Variants in ANKRD6 observed in about 807,000 individuals in gnomAD.
The protein encoded by ANKRD6 is ankyrin repeat domain-containing protein 6.
Under a neutral mutation model 82.3 loss-of-function variants are expected in ANKRD6, and 56 were observed. The observed-to-expected ratio is 0.68, with a 90% CI of 0.55 to 0.85. ANKRD6 has a LOEUF of 0.85. Ranked by LOEUF, ANKRD6 falls within the 40% of genes least tolerant of loss-of-function variation. ANKRD6 has a pLI of 0.00. For synonymous variants in ANKRD6, 347 were observed against 352.1 expected (o/e 0.99, Z 0.16); for missense variants, 852 against 907.6 (o/e 0.94, Z 0.79).
At chr6:89,453,923 T>C (rs1272794977) in intron 1 of ANKRD6, among the ~76,000 whole-genome samples, 1 of 152,080 alleles carries the variant, frequency 6.6e-6, no homozygotes, top group Non-Finnish European at 1.5e-5. Flanking sequence ...TGCCTTAGCC[T>C]CCGGAGTAGC....
chr6:89,585,116 G>C (rs1433504467), intron 2 of ANKRD6, among the ~76,000 whole-genome samples: 1 of 152,102 alleles, frequency 6.6e-6, no homozygotes, highest in Non-Finnish European at 1.5e-5. Flanking sequence ...AAAATCATCT[G>C]ATCATATTAA....
chr6:89,466,178 T>C (rs917450348), intron 1 of ANKRD6, among the ~76,000 whole-genome samples: 1 of 152,214 alleles, frequency 6.6e-6, no homozygotes, highest in Non-Finnish European at 1.5e-5. Context: ...AATCATTATA[T>C]TTAAAACATA....
chr6:89,454,202 G>A (rs943709593), intron 1 of ANKRD6, among the ~76,000 whole-genome samples: 3 of 152,064 alleles, frequency 2.0e-5, no homozygotes, highest in Admixed American at 2.0e-4. Context: ...CTTTATGAAG[G>A]TCTTATGGGT....
chr6:89,569,455 T>A (rs1191188314), intron 2 of ANKRD6, among the ~76,000 whole-genome samples: 1 of 152,238 alleles, frequency 6.6e-6, no homozygotes, highest in Non-Finnish European at 1.5e-5. Context: ...TGAGTAATAA[T>A]CCATTGTATA....
At position 89,632,687 on chromosome 6, in the gene ANKRD6, A is replaced by C. The variant is rs770292466; in HGVS notation, c.*1683A>C. The C allele has an allele frequency of 1.3e-5, 2 of 152,230 alleles. No individual in the cohort carries two copies. Among genetic ancestry groups the C allele is most frequent in the Non-Finnish European group, 2.9e-5 (2 of 68,040 alleles). The allele number at this position is 152,230 out of a possible 1,614,324, so 9.4% of individuals were successfully genotyped here. A position where few individuals can be genotyped will look rare whatever the true frequency, so the allele number is the denominator to read the frequency against. Reference sequence around the variant, plus strand: ...GGAGCTTGTCTTGTTCTCAACTACTACGCAGGTAGACAGTCTTCCCCCAGA... The same window carrying C: ...GGAGCTTGTCTTGTTCTCAACTACTCCGCAGGTAGACAGTCTTCCCCCAGA... On this transcript the variant is annotated 3_prime_UTR_variant, in exon 16 of 16. Transcript: ENST00000339746.
chr6:89,528,512 A>T (rs770601737), intron 1 of ANKRD6, among the ~76,000 whole-genome samples: 1 of 152,222 alleles, frequency 6.6e-6, no homozygotes, highest in African/African-American at 2.4e-5. Flanking sequence ...TATATCTTCC[A>T]CTGAAGTCTT....
chr6:89,477,903 C>T (rs554870799), intron 1 of ANKRD6, among the ~76,000 whole-genome samples: 2 of 151,620 alleles, frequency 1.3e-5, no homozygotes, highest in East Asian at 1.9e-4. Flanking sequence ...CCCTATTAAA[C>T]GTGATAAAGT....
intron 1 of ANKRD6, among the ~76,000 whole-genome samples, chr6:89,537,185 A>G (rs769039125): frequency 1.2e-4 from 19 of 152,148 alleles, no homozygotes; most frequent in Non-Finnish European, 2.4e-4. Flanking sequence ...TGCTTTATCT[A>G]TTGTATTTGA....
At chr6:89,472,484 GTTTTAC>G (rs1775592637) in intron 1 of ANKRD6, among the ~76,000 whole-genome samples, 1 of 151,976 alleles carries the variant, frequency 6.6e-6, no homozygotes, top group Non-Finnish European at 1.5e-5. Context: ...GTCTAATTTT[GTTTTAC>G]TTTAACCTCC....
rs1031821898 is a variant in ANKRD6 at position 89,631,530 on chromosome 6, CA to C, written c.*527del. 2.6e-5 allele frequency: 4 copies of C among 152,154 alleles called. No homozygotes were observed. Among genetic ancestry groups the C allele is most frequent in the African/African-American group, 9.7e-5 (4 of 41,406 alleles). The allele number at this position is 152,154 out of a possible 1,614,324, so 9.4% of individuals were successfully genotyped here. On this transcript the variant is annotated 3_prime_UTR_variant, in exon 16 of 16. Transcript: ENST00000339746. ...ATTCTCCAACTGTTGACATTTTAATCACATGAAAAGTTATCAGATTTTTGAG... is the reference window on the plus strand; with the variant it reads ...ATTCTCCAACTGTTGACATTTTAATCCATGAAAAGTTATCAGATTTTTGAG...
chr6:89,599,777 T>C (rs1796686423), intron 3 of ANKRD6, among the ~76,000 whole-genome samples: 1 of 152,120 alleles, frequency 6.6e-6, no homozygotes, highest in Non-Finnish European at 1.5e-5. Context: ...TTGAGAAGGG[T>C]GGGTTTTTCA....
At chr6:89,450,211 C>T (rs1027792465) in intron 1 of ANKRD6, among the ~76,000 whole-genome samples, 1 of 151,930 alleles carries the variant, frequency 6.6e-6, no homozygotes, top group African/African-American at 2.4e-5. Context: ...GTGGCAGGCG[C>T]CTATAATCCC....
At chr6:89,596,782 T>A (rs1382797945) in intron 3 of ANKRD6, among the ~76,000 whole-genome samples, 3 of 152,236 alleles carry the variant, frequency 2.0e-5, no homozygotes, top group Admixed American at 2.0e-4. Flanking sequence ...GAAAGGACCA[T>A]ATAAATTGTC....
At chr6:89,487,696 A>C (rs575456568) in intron 1 of ANKRD6, among the ~76,000 whole-genome samples, 1 of 152,344 alleles carries the variant, frequency 6.6e-6, no homozygotes, top group South Asian at 2.1e-4. Context: ...AAGGTGGCTC[A>C]CCTACGCTTG....
intron 1 of ANKRD6, among the ~76,000 whole-genome samples, chr6:89,483,946 C>G (rs746455708): frequency 6.6e-6 from 1 of 152,160 alleles, no homozygotes; most frequent in Non-Finnish European, 1.5e-5. Context: ...GACAGAGTCT[C>G]GTGCTGTTGC....
intron 1 of ANKRD6, among the ~76,000 whole-genome samples, chr6:89,439,842 G>A (rs180724769): frequency 9.9e-5 from 15 of 152,234 alleles, no homozygotes; most frequent in East Asian, 1.9e-4. Flanking sequence ...GGGATTACAG[G>A]TGCACCACCA....
intron 1 of ANKRD6, among the ~76,000 whole-genome samples, chr6:89,445,240 G>A (rs911205320): frequency 1.4e-4 from 21 of 148,178 alleles, no homozygotes; most frequent in African/African-American, 3.5e-4. Flanking sequence ...AAATTGTTTC[G>A]GTGATCTGTG....
intron 1 of ANKRD6, chr6:89,478,206 G>C (rs1281835080): frequency 6.6e-6 from 1 of 152,202 alleles, no homozygotes; most frequent in Admixed American, 6.5e-5. Context: ...AGGATGGCTT[G>C]AACCCAGGGG....
chr6:89,616,999 G>T (rs1213247227), intron 8 of ANKRD6: 2 of 480,068 alleles, frequency 4.2e-6, no homozygotes, highest in Non-Finnish European at 4.1e-6. Flanking sequence ...CAGAAAAATG[G>T]CCACATGGCC....
Sources: allele counts gnomAD v4.1 joint callset (sites outside exome capture counted in the v4.1 genomes callset), GRCh38; gene constraint gnomAD v4.1.1; transcripts MANE v1.5; gene names NCBI Gene and HGNC (gene_info 2026-07-23, HGNC 2026-07-21).